The following FLVCR2 variants were observed in gnomAD, a reference collection of about 807,000 sequenced individuals.
The protein encoded by FLVCR2 is FLVCR choline and putative heme transporter 2, also known as choline/ethanolamine transporter FLVCR2.
A neutral mutation model predicts 48.9 loss-of-function variants in FLVCR2; 38 were observed. The ratio of observed to expected loss-of-function variants is 0.78; its 90% CI spans 0.60 to 1.02. The LOEUF is 1.02. Among genes scored for constraint, FLVCR2 ranks in the 50% least tolerant of loss-of-function variants. The probability of loss-of-function intolerance (pLI) is 0.00; values close to 1 mark genes in which losing one functional copy is unlikely to be tolerated. For synonymous variants in FLVCR2, 255 were observed against 257.0 expected (o/e 0.99, Z 0.07); for missense variants, 664 against 663.3 (o/e 1.00, Z -0.01).
At chr14:75,597,204 C>G (rs1010413877) in intron 1 of FLVCR2, among the ~76,000 whole-genome samples, 12 of 151,546 alleles carry the variant, frequency 7.9e-5, no homozygotes, top group African/African-American at 2.2e-4. Flanking sequence ...TTGCTTGAGC[C>G]CAGGAGGTTG....
At chr14:75,586,898 A>G (rs1888765864) in intron 1 of FLVCR2, among the ~76,000 whole-genome samples, 1 of 152,164 alleles carries the variant, frequency 6.6e-6, no homozygotes, top group African/African-American at 2.4e-5. Context: ...AAATTGTGCC[A>G]GGAGCCAAGA....
intron 1 of FLVCR2, chr14:75,606,058 C>T (rs923408394): frequency 1.6e-5 from 3 of 191,068 alleles, no homozygotes; most frequent in African/African-American, 4.7e-5. Context: ...CTCAGTCTGT[C>T]GCCCAGGCTG....
rs756801283 is a variant in FLVCR2, at chr14:75,634,938, G to T, written c.1049G>T (p.Gly350Val). ...GAAGAAGTGAATGCTGGAAGAATTG[G>T]CCTGACGATCGTCATTGCAGGAATG... ...PGEEVNAGRIGLTIVIAGMLG... is the reference protein window; with the variant it reads ...PGEEVNAGRIVLTIVIAGMLG... Residue 350 changes from glycine (G) to valine (V), a missense_variant, in exon 5 of 10, where the codon GGC (glycine) becomes GTC (valine). Coordinates refer to ENST00000238667, the MANE Select transcript of FLVCR2 (RefSeq NM_017791.3). 2 of 1,614,004 alleles carry T rather than the reference G, an allele frequency of 1.2e-6. No homozygotes were observed. The highest frequency in any genetic ancestry group is 4.5e-5 in the East Asian group (2 of 44,888).
chr14:75,623,072 C>T (rs1372268232), intron 2 of FLVCR2, among the ~76,000 whole-genome samples: 1 of 152,134 alleles, frequency 6.6e-6, no homozygotes, highest in Non-Finnish European at 1.5e-5. Context: ...ACCTCTGCCT[C>T]CTGGGTTCAA....
intron 5 of FLVCR2, among the ~76,000 whole-genome samples, chr14:75,635,633 G>A (rs1191783453): frequency 6.6e-6 from 1 of 152,202 alleles, no homozygotes; most frequent in Non-Finnish European, 1.5e-5. Context: ...GGGAGGCCGA[G>A]GCAGGAGGAT....
chr14:75,633,794 C>T, intron 4 of FLVCR2, 98 bp downstream of exon 4: 1 of 923,422 alleles, frequency 1.1e-6, no homozygotes, highest in Non-Finnish European at 1.8e-6. Flanking sequence ...TCATTCCCCC[C>T]AGTTCTAGGT....
At chr14:75,613,032 A>G (rs1460119477) in intron 1 of FLVCR2, among the ~76,000 whole-genome samples, 4 of 152,168 alleles carry the variant, frequency 2.6e-5, no homozygotes, top group Non-Finnish European at 4.4e-5. Context: ...CCTAAATAGT[A>G]CCAACTTTGT....
chr14:75,629,084 A>T (rs1303112313), intron 3 of FLVCR2, among the ~76,000 whole-genome samples: 2 of 152,152 alleles, frequency 1.3e-5, no homozygotes, highest in African/African-American at 4.8e-5. Context: ...ACTGAGGTGC[A>T]GCGATAATTG....
At chr14:75,605,952 T>C (rs1331712770) in intron 1 of FLVCR2, 2 of 356,002 alleles carry the variant, frequency 5.6e-6, no homozygotes, top group African/African-American at 2.1e-5. Flanking sequence ...GCTGTCTGTA[T>C]GCAAGTCTAT....
intron 1 of FLVCR2, chr14:75,606,102 C>G (rs1889284364): frequency 6.2e-6 from 1 of 161,274 alleles, no homozygotes; most frequent in Non-Finnish European, 1.4e-5. Flanking sequence ...TCACTGTAGC[C>G]TCAACCTCCC....
Position 75,633,699 on chromosome 14 carries a change from A to T in FLVCR2, c.1020+3A>T. On this transcript the variant is annotated splice_donor_region_variant and intron_variant, in intron 4 of 9. Coordinates refer to ENST00000238667, the MANE Select transcript of FLVCR2 (RefSeq NM_017791.3). ...GCATGGTGATCTGGCACTACCCGGT[A>T]AGGGAGTTCCCTAAGCATGTTGGGC... 2 of 1,610,080 alleles carry T rather than the reference A, an allele frequency of 1.2e-6. No individual in the cohort carries two copies. The highest frequency in any genetic ancestry group is 1.7e-6 in the Non-Finnish European group (2 of 1,176,308).
Position 75,646,878 on chromosome 14 carries a change from A to G in FLVCR2, c.*406A>G. On this transcript the variant is annotated 3_prime_UTR_variant, in exon 10 of 10. Coordinates refer to ENST00000238667, the MANE Select transcript of FLVCR2 (RefSeq NM_017791.3). ...AACTTGAAATTTCCAGTGTCCTAAG[A>G]GCCTCTCATGAAGCCCAGTTCTAAT... 1 of 310,202 alleles carries G rather than the reference A, an allele frequency of 3.2e-6. No individual in the cohort carries two copies. 19.2% of individuals were successfully genotyped at this position (310,202 alleles called of 1,614,324 possible).
rs144015476 is a variant in FLVCR2 at position 75,602,374 on chromosome 14, G to C, written c.670-19705G>C. Among the ~76,000 whole-genome samples, 179 of 151,800 alleles carry C rather than the reference G, an allele frequency of 1.2e-3. 1 individual carries two copies. Among genetic ancestry groups the C allele is most frequent in the African/African-American group, 4.0e-3 (164 of 41,378 alleles). On this transcript the variant is annotated intron_variant, in intron 1 of 9. Transcript: ENST00000238667. ...CCTCATTAGCATAAACTCCCTGGAG[G>C]GGGTAGAGGGATGGGGTTGTACATT...
intron 4 of FLVCR2, 61 bp downstream of exon 4, chr14:75,633,757 G>A (rs1468722506): frequency 7.6e-7 from 1 of 1,317,164 alleles, no homozygotes; most frequent in East Asian, 2.3e-5. Flanking sequence ...GTCTGTCTTG[G>A]CAGGACCTGG....
At chr14:75,631,645 GC>G (rs1428149775) in intron 3 of FLVCR2, 1 of 397,992 alleles carries the variant, frequency 2.5e-6, no homozygotes, top group Non-Finnish European at 5.0e-6. Context: ...AACATTCCTT[GC>G]CCTTTGCAGT....
Position 75,624,704 on chromosome 14 carries a change from G to T in FLVCR2, c.904G>T (p.Ala302Ser), listed in dbSNP as rs763752990. Residue 302 changes from alanine to serine, a missense_variant, in exon 3 of 10, where the codon GCC (alanine) becomes TCC (serine). Physicochemically the swap from Ala to Ser is moderately conservative, Grantham distance 99 (BLOSUM62 1). Transcript: ENST00000238667. ...SPDASYLGSI[A>S]RLFKNLNFVL... ...TGATGCCTCATACTTAGGTTCCATC[G>T]CCCGGCTCTTCAAAAATCTCAACTT... 1.2e-6 allele frequency: 2 copies of T among 1,613,978 alleles called. No homozygotes were observed. The highest frequency in any genetic ancestry group is 1.3e-5 in the African/African-American group (1 of 74,936).
In FLVCR2 at chr14:75,597,995, G is replaced by C. The variant is rs570511166; in HGVS notation, c.669+18354G>C. Among the ~76,000 whole-genome samples, 10 of 152,146 alleles carry C rather than the reference G, an allele frequency of 6.6e-5. No individual in the cohort carries two copies. In the South Asian group the frequency reaches 2.1e-3, roughly 32 times the overall value. On this transcript the variant is annotated intron_variant, in intron 1 of 9. Coordinates refer to ENST00000238667, the MANE Select transcript of FLVCR2 (RefSeq NM_017791.3). ...CTGCTTGGAGCCATATTCTTGTCAG[G>C]GCTGATTTTTTTTTTTCTTTTTCTT...
At chr14:75,625,524 G>C (rs1179502735) in intron 3 of FLVCR2, among the ~76,000 whole-genome samples, 1 of 151,924 alleles carries the variant, frequency 6.6e-6, no homozygotes, top group Non-Finnish European at 1.5e-5. Context: ...CAGTCTATTA[G>C]TTAGTACCCT....
chr14:75,628,133 T>A (rs954944218), intron 3 of FLVCR2, among the ~76,000 whole-genome samples: 3 of 151,336 alleles, frequency 2.0e-5, no homozygotes. Context: ...TTTTTTTTTT[T>A]AAACAGAGTC....
Sources: gnomAD v4.1 joint callset for allele counts (sites outside exome capture counted in the v4.1 genomes callset) on GRCh38, gnomAD v4.1.1 for gene constraint, MANE v1.5 for transcripts, NCBI Gene and HGNC (gene_info 2026-07-23, HGNC 2026-07-21) for gene names.